ABHD12: variants seen among roughly 807,000 people sequenced by gnomAD.
ABHD12 encodes the protein abhydrolase domain containing 12, lysophospholipase.
In ABHD12, 43 loss-of-function variants were observed where a neutral mutation model predicts 58.3. That is an observed-to-expected ratio of 0.74 (90% confidence interval 0.58 to 0.95). ABHD12 has a LOEUF of 0.95. Ranked by LOEUF, ABHD12 falls within the 40% of genes least tolerant of loss-of-function variation. The pLI is 0.00. For synonymous variants in ABHD12, 219 were observed against 211.2 expected, an observed-to-expected ratio of 1.04 and a Z score of -0.32; for missense variants, 539 against 537.2, an observed-to-expected ratio of 1.00 and a Z score of -0.03.
intron 12 of ABHD12, 51 bp from the exon 13 acceptor site, chr20:25,300,935 CCTT>C: frequency 6.3e-7 from 1 of 1,581,640 alleles, no homozygotes; most frequent in Non-Finnish European, 8.7e-7. Flanking sequence ...GACCAAAGAT[CCTT>C]CTCCACAGTC....
At chr20:25,296,316 TAGC>T, downstream of ABHD12, 1 of 1,601,250 alleles carries the variant, frequency 6.2e-7, no homozygotes. Flanking sequence ...CCCATGTTTT[TAGC>T]AGCCCCAAGC....
At chr20:25,315,056 T>C (rs2088934742) in intron 5 of ABHD12, 86 bp from the exon 6 acceptor site, 1 of 1,368,210 alleles carries the variant, frequency 7.3e-7, no homozygotes, top group East Asian at 2.3e-5. Context: ...CTCATCCAAC[T>C]TTCTCTCCTC....
chr20:25,369,054 T>A (rs1411301502), intron 1 of ABHD12, among the ~76,000 whole-genome samples: 2 of 151,742 alleles, frequency 1.3e-5, no homozygotes, highest in Admixed American at 1.3e-4. Flanking sequence ...GCCAGGGAGA[T>A]CAAGGGTAAG....
At chr20:25,302,022 CAT>C (rs1218639355) in intron 12 of ABHD12, among the ~76,000 whole-genome samples, 195 bp downstream of exon 12, 3 of 152,202 alleles carry the variant, frequency 2.0e-5, no homozygotes, top group Non-Finnish European at 4.4e-5. Flanking sequence ...CCTGCATGAT[CAT>C]GTGAACAGTC....
chr20:25,349,636 A>T (rs995109078), intron 1 of ABHD12, among the ~76,000 whole-genome samples: 1 of 152,248 alleles, frequency 6.6e-6, no homozygotes. Context: ...AAGTGAAATA[A>T]GCCAGACACA....
At position 25,306,752 on chromosome 20, in the gene ABHD12, T is replaced by C; in HGVS notation, c.950+81A>G. ...TACACTGAATTCCATCCTATTTGAT[T>C]ACTGTGACTAAAGAGGCTCATCCAG... is the stretch of plus-strand genomic sequence containing the variant. On this transcript the variant is annotated intron_variant, in intron 10 of 12. Transcript: ENST00000339157. 4.2e-6 allele frequency: 4 copies of C among 962,506 alleles called. No individual in the cohort carries two copies. In the South Asian group the frequency reaches 5.6e-5, roughly 13 times the overall value. The allele number at this position is 962,506 out of a possible 1,614,324, so 59.6% of individuals were successfully genotyped here.
At chr20:25,355,622 G>A (rs562468444) in intron 1 of ABHD12, among the ~76,000 whole-genome samples, 1 of 152,008 alleles carries the variant, frequency 6.6e-6, no homozygotes, top group Admixed American at 6.5e-5. Context: ...GCAGTGGCAC[G>A]ATCCCAGCTC....
At chr20:25,331,735 C>T (rs1045105654) in intron 2 of ABHD12, among the ~76,000 whole-genome samples, 42 of 152,220 alleles carry the variant, frequency 2.8e-4, no homozygotes, top group African/African-American at 1.0e-3. Context: ...AAATAAAATA[C>T]TTTACAGACA....
intron 1 of ABHD12, among the ~76,000 whole-genome samples, chr20:25,342,491 G>A (rs1057020014): frequency 2.0e-5 from 3 of 149,652 alleles, no homozygotes; most frequent in African/African-American, 7.4e-5. Flanking sequence ...CAAGGTTTGT[G>A]GCAACTCTGC....
intron 4 of ABHD12, among the ~76,000 whole-genome samples, chr20:25,318,014 T>C (rs2088994720): frequency 6.6e-6 from 1 of 151,974 alleles, no homozygotes; most frequent in Non-Finnish European, 1.5e-5. Flanking sequence ...GCCAATAAAG[T>C]ACAGAAACAA....
Position 25,303,638 on chromosome 20 carries a change from G to A in ABHD12, c.951-10C>T, listed in dbSNP as rs2088681175. The A allele has an allele frequency of 3.7e-6, 6 of 1,613,480 alleles. No individual in the cohort carries two copies. Among genetic ancestry groups the A allele is most frequent in the Non-Finnish European group, 5.1e-6 (6 of 1,179,976 alleles). On this transcript the variant is annotated splice_polypyrimidine_tract_variant and intron_variant, in intron 10 of 12. Transcript: ENST00000339157. Reference sequence around the variant, plus strand: ...GGAGATGTGCTTCACGCTGTAGGAGGGAGAAGGGGCTAGACCAAGACCAGG... The same window carrying A: ...GGAGATGTGCTTCACGCTGTAGGAGAGAGAAGGGGCTAGACCAAGACCAGG...
chr20:25,354,856 T>C (rs2089647299), intron 1 of ABHD12, among the ~76,000 whole-genome samples: 3 of 152,166 alleles, frequency 2.0e-5, no homozygotes, highest in Admixed American at 2.0e-4. Context: ...CCTCCAGCAG[T>C]TCAGAATTAG....
intron 1 of ABHD12, among the ~76,000 whole-genome samples, chr20:25,371,373 C>T (rs1224965183): frequency 6.6e-6 from 1 of 152,150 alleles, no homozygotes; most frequent in Non-Finnish European, 1.5e-5. Flanking sequence ...GGCTCTAATG[C>T]ACAGAAATGC....
rs1268616977 is a variant in ABHD12 at position 25,375,050 on chromosome 20, G to A, written c.191+15463C>T. 2.6e-5 allele frequency among the ~76,000 whole-genome samples: 4 copies of A among 152,120 alleles called. No individual in the cohort carries two copies. In the East Asian group the frequency reaches 7.7e-4, roughly 29 times the overall value. The stretch of plus-strand genomic sequence containing the variant: ...ATGCTAAAATGAGGTCATCAGGGTG[G>A]ACCCTAATCCACTATGACTCAGCTT... On this transcript the variant is annotated intron_variant, in intron 1 of 12. Transcript: ENST00000339157.
intron 1 of ABHD12, among the ~76,000 whole-genome samples, chr20:25,383,954 CAAAAAA>C (rs1201588127): frequency 0.045 from 2,396 of 53,366 alleles, 92 homozygotes; most frequent in African/African-American, 0.12. Flanking sequence ...GACTCTTTCT[CAAAAAA>C]AAAAAAAAAA....
chr20:25,314,388 A>G (rs1334949416), intron 6 of ABHD12, among the ~76,000 whole-genome samples: 4 of 152,254 alleles, frequency 2.6e-5, no homozygotes, highest in Non-Finnish European at 2.9e-5. Context: ...CTAATTTAAA[A>G]TGCTGCAGGT....
At chr20:25,327,375 G>C (rs1282808296) in intron 2 of ABHD12, among the ~76,000 whole-genome samples, 3 of 151,772 alleles carry the variant, frequency 2.0e-5, no homozygotes. Context: ...CCTGAGGCAA[G>C]AGAATTGCTT....
chr20:25,312,854 G>A (rs1304748260), intron 6 of ABHD12, among the ~76,000 whole-genome samples: 7 of 57,500 alleles, frequency 1.2e-4, no homozygotes, highest in South Asian at 1.1e-3. Flanking sequence ...GGTGAGGAGC[G>A]TCTCCGCCCG....
At chr20:25,301,495 G>C (rs1416811375) in intron 12 of ABHD12, among the ~76,000 whole-genome samples, 4 of 152,250 alleles carry the variant, frequency 2.6e-5, no homozygotes, top group Non-Finnish European at 5.9e-5. Context: ...TAGGGTCGAA[G>C]TACCACATGC....
Sources: gnomAD v4.1 joint callset for allele counts (sites outside exome capture counted in the v4.1 genomes callset) on GRCh38, gnomAD v4.1.1 for gene constraint, MANE v1.5 for transcripts, NCBI Gene and HGNC (gene_info 2026-07-23, HGNC 2026-07-21) for gene names.